COX10: variants seen among roughly 807,000 people sequenced by gnomAD.
COX10 encodes the protein protoheme IX farnesyltransferase, mitochondrial.
Under a neutral mutation model 37.3 loss-of-function variants are expected in COX10, and 27 were observed. The ratio of observed to expected loss-of-function variants is 0.72; its 90% CI spans 0.53 to 1.00. The LOEUF (loss-of-function observed/expected upper bound fraction) is 1.00, where lower values mean the gene tolerates loss of function less well. COX10 is among the 50% of genes least tolerant of loss of function. The pLI is 0.00. For missense variants in COX10, 475 were observed against 563.2 expected (o/e 0.84, Z 1.59); for synonymous variants, 222 against 229.1 (o/e 0.97, Z 0.28).
chr17:14,200,640 G>A (rs1015748769), intron 6 of COX10, among the ~76,000 whole-genome samples: 2 of 152,176 alleles, frequency 1.3e-5, no homozygotes, highest in Non-Finnish European at 2.9e-5. Context: ...AAGCTGCCGT[G>A]CTCTGGAGAG....
At chr17:14,126,457 G>A (rs1180956268) in intron 4 of COX10, among the ~76,000 whole-genome samples, 1 of 152,164 alleles carries the variant, frequency 6.6e-6, no homozygotes, top group Non-Finnish European at 1.5e-5. Flanking sequence ...TGTGACCACA[G>A]CTAATTAACA....
rs766053272 is a variant in COX10, at chr17:14,159,849, T to C, written c.625-28T>C. On this transcript the variant is annotated intron_variant, in intron 4 of 6. Coordinates refer to ENST00000261643, the MANE Select transcript of COX10 (RefSeq NM_001303.4). ...AAAAGAATTGTTTTATAGTTAATGTTTTCTGTCTTTTTTCATTCTTTTTAC... is the reference window on the plus strand; with the variant it reads ...AAAAGAATTGTTTTATAGTTAATGTCTTCTGTCTTTTTTCATTCTTTTTAC... The C allele has an allele frequency of 7.1e-6, 11 of 1,550,934 alleles. No individual in the cohort carries two copies. In the African/African-American group the frequency reaches 1.5e-4, roughly 21 times the overall value.
Position 14,170,569 on chromosome 17 carries a change from A to G in COX10, c.695+10622A>G, listed in dbSNP as rs551133697. Among the ~76,000 whole-genome samples the G allele has an allele frequency of 9.2e-4, 140 of 152,280 alleles. 1 individual carries two copies. The highest frequency in any genetic ancestry group is 3.4e-3 in the Middle Eastern group (1 of 294). ...ATGGTTCACACCTATAATTTCAACA[A>G]TTTGGGAGGCAAAGGTGGGCAGATC... On this transcript the variant is annotated intron_variant, in intron 5 of 6. Transcript: ENST00000261643.
chr17:14,115,250 A>C (rs1386060896), intron 4 of COX10, among the ~76,000 whole-genome samples: 1 of 152,198 alleles, frequency 6.6e-6, no homozygotes, highest in African/African-American at 2.4e-5. Context: ...GTACAGAGGA[A>C]GATGGTCCTA....
At chr17:14,099,352 A>G (rs1197096301) in intron 3 of COX10, among the ~76,000 whole-genome samples, 1 of 152,154 alleles carries the variant, frequency 6.6e-6, no homozygotes. Context: ...ATTTAGCAAT[A>G]TCAAGAAATC....
At chr17:14,155,268 C>T (rs1043126594) in intron 4 of COX10, among the ~76,000 whole-genome samples, 2 of 148,836 alleles carry the variant, frequency 1.3e-5, no homozygotes, top group Non-Finnish European at 3.0e-5. Context: ...CTTTGATTTT[C>T]GTGGAAATGT....
intron 1 of COX10, among the ~76,000 whole-genome samples, chr17:14,070,689 A>G (rs1281476692): frequency 6.6e-6 from 1 of 152,238 alleles, no homozygotes; most frequent in South Asian, 2.1e-4. Flanking sequence ...CCTACCACAC[A>G]CAAGCTCTCT....
intron 4 of COX10, among the ~76,000 whole-genome samples, chr17:14,140,068 A>G (rs922338174): frequency 3.9e-5 from 6 of 152,146 alleles, no homozygotes; most frequent in East Asian, 3.9e-4. Context: ...TACATTCCCA[A>G]TGTGTTTTGG....
In COX10 at chr17:14,122,136, C is replaced by T. The variant is rs182156279; in HGVS notation, c.624+19894C>T. 2.6e-3 allele frequency among the ~76,000 whole-genome samples: 395 copies of T among 152,098 alleles called. 3 individuals are homozygous for T. Among genetic ancestry groups the T allele is most frequent in the Admixed American group, 4.9e-3 (75 of 15,272 alleles). ...TAGGGTGTTATTACCATCGCCCCAG[C>T]AACTACAGGAAACAGGAACTTGGAA... On this transcript the variant is annotated intron_variant, in intron 4 of 6. Coordinates refer to ENST00000261643, the MANE Select transcript of COX10 (RefSeq NM_001303.4).
At chr17:14,148,946 A>G (rs927021521) in intron 4 of COX10, among the ~76,000 whole-genome samples, 1 of 148,252 alleles carries the variant, frequency 6.7e-6, no homozygotes, top group African/African-American at 2.4e-5. Flanking sequence ...AATTATATAT[A>G]CTATATTAAA....
chr17:14,136,049 T>G (rs1904350911), intron 4 of COX10, among the ~76,000 whole-genome samples: 1 of 151,930 alleles, frequency 6.6e-6, no homozygotes. Flanking sequence ...AACATTGGCA[T>G]CAAACAAAAC....
intron 6 of COX10, among the ~76,000 whole-genome samples, chr17:14,200,381 A>G (rs1478231080): frequency 1.3e-5 from 2 of 152,230 alleles, no homozygotes; most frequent in Non-Finnish European, 2.9e-5. Context: ...CTTCGAGAGA[A>G]TATAAAAATA....
intron 6 of COX10, among the ~76,000 whole-genome samples, chr17:14,204,243 C>A (rs181412247): frequency 3.3e-5 from 5 of 152,160 alleles, no homozygotes; most frequent in South Asian, 2.1e-4. Flanking sequence ...AAAAGACGCT[C>A]ACAGTTGCTT....
intron 3 of COX10, 69 bp downstream of exon 3, chr17:14,077,125 A>G: frequency 5.5e-6 from 8 of 1,467,128 alleles, no homozygotes; most frequent in Non-Finnish European, 7.5e-6. Flanking sequence ...AGCTAATTTT[A>G]TTTACCACCT....
chr17:14,174,926 A>G lies in COX10; in HGVS notation c.695+14979A>G, dbSNP rs560711963. Reference sequence around the variant, plus strand: ...ACTCAGAAATTAAAAGGAACAAACCACTGGTACGTGCAGTGACACGGGTGT... The same window carrying G: ...ACTCAGAAATTAAAAGGAACAAACCGCTGGTACGTGCAGTGACACGGGTGT... On this transcript the variant is annotated intron_variant, in intron 5 of 6. Coordinates refer to ENST00000261643, the MANE Select transcript of COX10 (RefSeq NM_001303.4). Among the ~76,000 whole-genome samples, 16 of 149,162 alleles carry G rather than the reference A, an allele frequency of 1.1e-4. No homozygotes were observed. In the South Asian group the frequency reaches 2.4e-3, roughly 22 times the overall value.
At chr17:14,095,645 AC>A (rs1275831900) in intron 3 of COX10, among the ~76,000 whole-genome samples, 2 of 152,166 alleles carry the variant, frequency 1.3e-5, no homozygotes, top group African/African-American at 4.8e-5. Flanking sequence ...GTGTCTAGAC[AC>A]CCTGCTCAGG....
chr17:14,121,350 G>A (rs1166705767), intron 4 of COX10, among the ~76,000 whole-genome samples: 3 of 152,202 alleles, frequency 2.0e-5, no homozygotes, highest in Non-Finnish European at 4.4e-5. Context: ...GGTTAAGGCT[G>A]AGGGATGCGT....
At chr17:14,166,855 C>T (rs180897773) in intron 5 of COX10, among the ~76,000 whole-genome samples, 1,655 of 139,782 alleles carry the variant, frequency 0.012, 25 homozygotes, top group African/African-American at 0.042. Context: ...AGGCTGGTCT[C>T]GAACTCCTGA....
At chr17:14,115,659 G>A (rs2142209057) in intron 4 of COX10, among the ~76,000 whole-genome samples, 1 of 152,166 alleles carries the variant, frequency 6.6e-6, no homozygotes, top group South Asian at 2.1e-4. Context: ...ATTACATAAG[G>A]AAAATGTGGA....
Sources: gnomAD v4.1 joint callset for allele counts (sites outside exome capture counted in the v4.1 genomes callset) on GRCh38, gnomAD v4.1.1 for gene constraint, MANE v1.5 for transcripts, NCBI Gene and HGNC (gene_info 2026-07-23, HGNC 2026-07-21) for gene names.